PIRT: variants seen among roughly 807,000 people sequenced by gnomAD.
PIRT encodes phosphoinositide-interacting protein.
PIRT carries 6 observed loss-of-function variants against 7.9 expected under a neutral mutation model. The ratio of observed to expected loss-of-function variants is 0.76; its 90% CI spans 0.42 to 1.51. The LOEUF (loss-of-function observed/expected upper bound fraction) is 1.51. Among genes scored for constraint, PIRT ranks in the 40% most tolerant of loss-of-function variants. The pLI, the probability that PIRT is intolerant of heterozygous loss-of-function variation, is 0.01. For synonymous variants in PIRT, 78 were observed against 71.8 expected, an observed-to-expected ratio of 1.09 and a Z score of -0.44; for missense variants, 170 against 172.9, an observed-to-expected ratio of 0.98 and a Z score of 0.09.
intron 1 of PIRT, among the ~76,000 whole-genome samples, chr17:10,829,357 G>A: frequency 6.6e-6 from 1 of 152,180 alleles, no homozygotes; most frequent in Non-Finnish European, 1.5e-5. Flanking sequence ...CTCAGGAACA[G>A]GAAGTGTTGA....
In PIRT at chr17:10,824,197, C is replaced by T. The variant is rs1905263526; in HGVS notation, c.*1035G>A. 1 of 152,226 alleles carries T rather than the reference C, an allele frequency of 6.6e-6. No homozygotes were observed. The highest frequency in any genetic ancestry group is 1.5e-5 in the Non-Finnish European group (1 of 68,046). The allele number at this position is 152,226 out of a possible 1,614,324, so 9.4% of individuals were successfully genotyped here. ...TCAGGGACCGTGTCTTGCCCCCAGC[C>T]AGGGCTTATCCCAGAATGCGACACT... On this transcript the variant is annotated 3_prime_UTR_variant, in exon 2 of 2. Coordinates refer to ENST00000580256, the MANE Select transcript of PIRT (RefSeq NM_001101387.2).
intron 1 of PIRT, among the ~76,000 whole-genome samples, chr17:10,828,755 T>G (rs1055096128): frequency 6.6e-6 from 1 of 152,180 alleles, no homozygotes; most frequent in African/African-American, 2.4e-5. Context: ...CCCTCACTGC[T>G]CAGGCCTGAA....
chr17:10,829,950 T>C (rs1905422177), intron 1 of PIRT, among the ~76,000 whole-genome samples: 1 of 149,388 alleles, frequency 6.7e-6, no homozygotes, highest in African/African-American at 2.5e-5. Context: ...TTGTCCACTA[T>C]GTAGATGTCT....
At position 10,825,477 on chromosome 17, in the gene PIRT, C is replaced by T. The variant is rs777190736; in HGVS notation, c.169G>A (p.Val57Ile). 19 of 1,613,798 alleles carry T rather than the reference C, an allele frequency of 1.2e-5. 1 individual carries two copies. The South Asian group carries it at 1.3e-4, about 11-fold the overall frequency. ...ATGGCACCGCCCACTGACATGATAA[C>T]GATGGGCTTGCGGTAGATTTCCCAG... is the stretch of plus-strand genomic sequence containing the variant. ...SNWEIYRKPI[V>I]IMSVGGAILL... Residue 57 changes from valine to isoleucine, a missense_variant, in exon 2 of 2, where the codon GTT (valine) becomes ATT (isoleucine). Coordinates refer to ENST00000580256, the MANE Select transcript of PIRT (RefSeq NM_001101387.2).
intron 1 of PIRT, among the ~76,000 whole-genome samples, chr17:10,826,853 C>T (rs184277021): frequency 2.8e-4 from 43 of 152,022 alleles, no homozygotes; most frequent in African/African-American, 9.9e-4. Context: ...ACTCTTGTTG[C>T]CCAGGCAGGA....
chr17:10,837,096 C>T (rs563945382), intron 1 of PIRT, among the ~76,000 whole-genome samples: 1 of 152,326 alleles, frequency 6.6e-6, no homozygotes, highest in South Asian at 2.1e-4. Context: ...ATGGCCATGG[C>T]CACCCATCTG....
intron 1 of PIRT, among the ~76,000 whole-genome samples, chr17:10,833,822 A>G (rs1905520412): frequency 6.6e-6 from 1 of 152,244 alleles, no homozygotes; most frequent in Non-Finnish European, 1.5e-5. Flanking sequence ...AAATGGGCCA[A>G]ATGTTTAAAT....
At chr17:10,834,342 G>A (rs1207824049) in intron 1 of PIRT, among the ~76,000 whole-genome samples, 1 of 152,072 alleles carries the variant, frequency 6.6e-6, no homozygotes, top group African/African-American at 2.4e-5. Flanking sequence ...AGACATGCTG[G>A]GTGGAAGAGA....
In PIRT at chr17:10,823,022, A is replaced by G. The variant is rs1169905159; in HGVS notation, c.*2210T>C. On this transcript the variant is annotated 3_prime_UTR_variant, in exon 2 of 2. Coordinates refer to ENST00000580256, the MANE Select transcript of PIRT (RefSeq NM_001101387.2). Reference sequence around the variant, plus strand: ...CTCATATAGCTGTGCCCAGGCTACAATCTCCTGGGCAGAGGAAATGAGGCA... The same window carrying G: ...CTCATATAGCTGTGCCCAGGCTACAGTCTCCTGGGCAGAGGAAATGAGGCA... 1 of 152,144 alleles carries G rather than the reference A, an allele frequency of 6.6e-6. No homozygotes were observed. The highest frequency in any genetic ancestry group is 1.5e-5 in the Non-Finnish European group (1 of 68,020). 9.4% of individuals were successfully genotyped at this position (152,144 alleles called of 1,614,324 possible). A position where few individuals can be genotyped will look rare whatever the true frequency, so the allele number is the denominator to read the frequency against.
chr17:10,833,933 A>G (rs1276176951), intron 1 of PIRT, among the ~76,000 whole-genome samples: 3 of 152,198 alleles, frequency 2.0e-5, no homozygotes, highest in Non-Finnish European at 4.4e-5. Context: ...AGACATCACC[A>G]CACATGCACT....
At position 10,825,692 on chromosome 17, in the gene PIRT, G is replaced by C; in HGVS notation, c.-47C>G. On this transcript the variant is annotated 5_prime_UTR_variant, in exon 2 of 2. Transcript: ENST00000580256. ...TAGGACCAGCAATAGTTGGAAACAA[G>C]AGTGGAGCCAAAGGAATCCTCACAC... 7 of 1,446,030 alleles carry C rather than the reference G, an allele frequency of 4.8e-6. No individual in the cohort carries two copies. Among genetic ancestry groups the C allele is most frequent in the Non-Finnish European group, 6.4e-6 (7 of 1,096,994 alleles). The allele number at this position is 1,446,030 out of a possible 1,614,324, so 89.6% of individuals were successfully genotyped here.
rs1567615345 is a variant in PIRT, at chr17:10,825,276, ACTTCTGTCTGTG to A, written c.358_369del (p.His120_Lys123del). Reference sequence around the variant, plus strand: ...GACTTGAGGCTGCGTAAGAAATTCGACTTCTGTCTGTGCTTCTGTTTCTTTTTGATGATGGGC... The same window carrying A: ...GACTTGAGGCTGCGTAAGAAATTCGACTTCTGTTTCTTTTTGATGATGGGC... On this transcript the variant is annotated inframe_deletion, in exon 2 of 2. Transcript: ENST00000580256. 6.2e-7 allele frequency: 1 copy of A among 1,613,846 alleles called. No homozygotes were observed. Among genetic ancestry groups the A allele is most frequent in the Non-Finnish European group, 8.5e-7 (1 of 1,179,868 alleles).
intron 1 of PIRT, among the ~76,000 whole-genome samples, chr17:10,833,481 G>A (rs762085166): frequency 2.0e-5 from 3 of 152,134 alleles, no homozygotes; most frequent in South Asian, 2.1e-4. Flanking sequence ...GTGCACAGTC[G>A]TTCATACCTG....
chr17:10,832,673 C>A (rs1033013129), intron 1 of PIRT, among the ~76,000 whole-genome samples: 1 of 152,166 alleles, frequency 6.6e-6, no homozygotes, highest in Admixed American at 6.5e-5. Flanking sequence ...TTAGAACAAG[C>A]CAATTGTACA....
intron 1 of PIRT, among the ~76,000 whole-genome samples, chr17:10,829,248 G>A (rs1394364620): frequency 6.6e-6 from 1 of 152,190 alleles, no homozygotes; most frequent in Non-Finnish European, 1.5e-5. Context: ...TGTGATGAAG[G>A]AATTAAATGC....
At chr17:10,828,933 C>T (rs1458897670) in intron 1 of PIRT, among the ~76,000 whole-genome samples, 1 of 152,238 alleles carries the variant, frequency 6.6e-6, no homozygotes, top group East Asian at 1.9e-4. Context: ...TCCTAAGACT[C>T]TGAAAATATT....
Position 10,824,894 on chromosome 17 carries a change from A to G in PIRT, c.*338T>C. 1 of 294,048 alleles carries G rather than the reference A, an allele frequency of 3.4e-6. No individual in the cohort carries two copies. The highest frequency in any genetic ancestry group is 6.4e-6 in the Non-Finnish European group (1 of 157,122). The allele number at this position is 294,048 out of a possible 1,614,324, so 18.2% of individuals were successfully genotyped here. A position where few individuals can be genotyped will look rare whatever the true frequency, so the allele number is the denominator to read the frequency against. ...AAACATGAGGTTCTCCCTTGGGCAT[A>G]GCCCACCTTCGAAGAATTTCCCAGC... On this transcript the variant is annotated 3_prime_UTR_variant, in exon 2 of 2. Coordinates refer to ENST00000580256, the MANE Select transcript of PIRT (RefSeq NM_001101387.2).
rs1470071711 is a variant in PIRT, at chr17:10,823,689, CCTACGGGCCT to C, written c.*1533_*1542del. ...CACAGGTACTGCTTCTGTTCTTTCA[CCTACGGGCCT>C]CTTGGTTGCCACAGGGAGTTACAGA... On this transcript the variant is annotated 3_prime_UTR_variant, in exon 2 of 2. Transcript: ENST00000580256. 2.0e-5 allele frequency: 3 copies of C among 152,230 alleles called. No individual in the cohort carries two copies. The highest frequency in any genetic ancestry group is 7.2e-5 in the African/African-American group (3 of 41,450). 9.4% of individuals were successfully genotyped at this position (152,230 alleles called of 1,614,324 possible).
intron 1 of PIRT, among the ~76,000 whole-genome samples, chr17:10,836,385 A>G (rs1249917692): frequency 1.3e-5 from 2 of 152,182 alleles, no homozygotes; most frequent in African/African-American, 2.4e-5. Flanking sequence ...AGTTGGTATT[A>G]AGAGGGTTGT....
Sources: allele counts gnomAD v4.1 joint callset (sites outside exome capture counted in the v4.1 genomes callset), GRCh38; gene constraint gnomAD v4.1.1; transcripts MANE v1.5; gene names NCBI Gene and HGNC (gene_info 2026-07-23, HGNC 2026-07-21).